The following LIMK1 variants were observed in gnomAD, a reference collection of about 807,000 sequenced individuals.
LIMK1 encodes the protein LIM domain kinase 1.
LIMK1 carries 21 observed loss-of-function variants against 77.6 expected under a neutral mutation model. That is an observed-to-expected ratio of 0.27 (90% CI 0.19 to 0.39). LIMK1 has a LOEUF of 0.39. Among genes scored for constraint, LIMK1 ranks in the 10% least tolerant of loss-of-function variants. LIMK1 has a pLI of 1.00. For synonymous variants in LIMK1, 358 were observed against 370.0 expected, an observed-to-expected ratio of 0.97 and a Z score of 0.37; for missense variants, 696 against 901.6, an observed-to-expected ratio of 0.77 and a Z score of 2.92.
chr7:74,100,079 C>G (rs1003731062), intron 5 of LIMK1, among the ~76,000 whole-genome samples: 2 of 152,112 alleles, frequency 1.3e-5, no homozygotes, highest in African/African-American at 4.8e-5. Context: ...GGGAGGATCA[C>G]TTGAGGCCAG....
chr7:74,102,484 C>CTCTTTTTTT (rs1554696729), intron 5 of LIMK1, among the ~76,000 whole-genome samples: 3 of 54,068 alleles, frequency 5.5e-5, no homozygotes, highest in East Asian at 7.9e-4. Flanking sequence ...AGGACCTTCT[C>CTCTTTTTTT]TTTTTTTTTT....
Position 74,121,584 on chromosome 7 carries a change from G to A in LIMK1, c.*283G>A. 4.6e-6 allele frequency: 2 copies of A among 439,242 alleles called. No homozygotes were observed. Among genetic ancestry groups the A allele is most frequent in the Non-Finnish European group, 8.1e-6 (2 of 247,484 alleles). 27.2% of individuals were successfully genotyped at this position (439,242 alleles called of 1,614,324 possible). A position where few individuals can be genotyped will look rare whatever the true frequency, so the allele number is the denominator to read the frequency against. The stretch of plus-strand genomic sequence containing the variant: ...TGCTTCTCCTTGCATGAGCTGGAGG[G>A]CCTGTGTGAGTTACGCCCCTTTCCA... On this transcript the variant is annotated 3_prime_UTR_variant, in exon 16 of 16. Coordinates refer to ENST00000336180, the MANE Select transcript of LIMK1 (RefSeq NM_002314.4).
intron 12 of LIMK1, among the ~76,000 whole-genome samples, chr7:74,114,746 T>C (rs1179784783): frequency 1.3e-5 from 2 of 151,326 alleles, no homozygotes; most frequent in Non-Finnish European, 2.9e-5. Context: ...AAACCCCGTC[T>C]CTACTAAAAA....
intron 10 of LIMK1, 102 bp downstream of exon 10, chr7:74,109,138 G>C (rs1229893273): frequency 7.4e-6 from 7 of 946,988 alleles, no homozygotes; most frequent in Non-Finnish European, 1.1e-5. Flanking sequence ...GGAAGCCACA[G>C]GGGTCTCAAA....
intron 14 of LIMK1, 63 bp from the exon 15 acceptor site, chr7:74,120,829 A>G: frequency 6.2e-7 from 1 of 1,605,228 alleles, no homozygotes; most frequent in South Asian, 1.1e-5. Flanking sequence ...AACCACCTGG[A>G]TGGCACCCAG....
intron 13 of LIMK1, among the ~76,000 whole-genome samples, chr7:74,117,037 A>G (rs549343358): frequency 9.2e-5 from 14 of 151,898 alleles, no homozygotes; most frequent in African/African-American, 1.9e-4. Flanking sequence ...GCCCGCCAAC[A>G]CGCCTGGCTA....
rs1554699368 is a variant in LIMK1, at chr7:74,115,883, C to G, written c.1492C>G (p.Leu498Val). The part of the protein sequence containing the change: ...EKTQPEGLRS[L>V]KKPDRKKRYT... ...GACTCAGCCTGAGGGCCTGCGGAGC[C>G]TCAAGAAGCCAGACCGCAAGAAGCG... The change falls in exon 13 of 16, where the codon CTC becomes GTC. Residue 498 changes from leucine to valine, a missense_variant. Transcript: ENST00000336180. The G allele has an allele frequency of 1.2e-6, 2 of 1,614,078 alleles. No homozygotes were observed. The highest frequency in any genetic ancestry group is 1.3e-5 in the African/African-American group (1 of 74,938).
intron 2 of LIMK1, among the ~76,000 whole-genome samples, chr7:74,088,611 G>A (rs1365227560): frequency 6.6e-6 from 1 of 151,916 alleles, no homozygotes; most frequent in African/African-American, 2.4e-5. Flanking sequence ...GACCAGCCTG[G>A]CCAACGTGGT....
intron 8 of LIMK1, 43 bp downstream of exon 8, chr7:74,107,236 C>A: frequency 1.3e-6 from 2 of 1,533,696 alleles, no homozygotes; most frequent in Non-Finnish European, 1.8e-6. Context: ...CTGGGTGGGA[C>A]CCCTCCATCC....
intron 1 of LIMK1, 148 bp downstream of exon 1, chr7:74,084,193 T>A (rs1799086025): frequency 3.0e-6 from 1 of 329,154 alleles, no homozygotes; most frequent in South Asian, 7.2e-5. Flanking sequence ...GGCCCCTCCC[T>A]GTCCCCCTCC....
Position 74,093,230 on chromosome 7 carries a change from C to T in LIMK1, c.153-3392C>T, listed in dbSNP as rs781862310. ...CTGCCCTCCCTTAGACCTCCAGAGC[C>T]CCCAGTGTAGCCACAGAGGATGCTG... On this transcript the variant is annotated intron_variant, in intron 2 of 15. Transcript: ENST00000336180. 8 of 1,535,682 alleles carry T rather than the reference C, an allele frequency of 5.2e-6. No homozygotes were observed. The South Asian group carries it at 9.5e-5, about 18-fold the overall frequency.
chr7:74,084,058 C>T lies in LIMK1; in HGVS notation c.55+13C>T. 9 of 1,464,900 alleles carry T rather than the reference C, an allele frequency of 6.1e-6. No homozygotes were observed. Among genetic ancestry groups the T allele is most frequent in the East Asian group, 2.9e-5 (1 of 34,790 alleles). The allele number at this position is 1,464,900 out of a possible 1,614,324, so 90.7% of individuals were successfully genotyped here. On this transcript the variant is annotated intron_variant, in intron 1 of 15. Coordinates refer to ENST00000336180, the MANE Select transcript of LIMK1 (RefSeq NM_002314.4). ...ATGGGAGAGGAAGGTGCGCGGGCCG[C>T]GGGGTGTGGGGCGAGGGCCTGGAGG...
chr7:74,096,905 G>A, intron 3 of LIMK1, 145 bp downstream of exon 3: 1 of 1,180,234 alleles, frequency 8.5e-7, no homozygotes, highest in Non-Finnish European at 1.2e-6. Flanking sequence ...CTGTCTGTCT[G>A]TATCCCTCAG....
chr7:74,109,375 A>C, intron 10 of LIMK1: 1 of 285,246 alleles, frequency 3.5e-6, no homozygotes, highest in Non-Finnish European at 6.9e-6. Context: ...CTAAAATAAA[A>C]TTCAGAGCTT....
Position 74,111,691 on chromosome 7 carries a change from A to C in LIMK1, c.1328A>C (p.Asp443Ala). 1 of 1,613,292 alleles carries C rather than the reference A, an allele frequency of 6.2e-7. No individual in the cohort carries two copies. Among genetic ancestry groups the C allele is most frequent in the Non-Finnish European group, 8.5e-7 (1 of 1,179,650 alleles). The change falls in exon 11 of 16, where the codon GAC (aspartate) becomes GCC (alanine). Residue 443 changes from aspartate to alanine, a missense_variant. Asp to Ala is a moderately radical substitution (Grantham distance 126, BLOSUM62 -2). This residue lies in a region of LIMK1 where 438 missense variants were observed against 602.3 expected (regional missense o/e 0.73). Coordinates refer to ENST00000336180, the MANE Select transcript of LIMK1 (RefSeq NM_002314.4). ...PWSQRVSFAK[D>A]IASGMAYLHS... ...AGCCAGAGAGTGAGCTTTGCCAAGG[A>C]CATCGCATCAGGGATGGTGAGTGAG...
intron 5 of LIMK1, among the ~76,000 whole-genome samples, chr7:74,100,741 T>C (rs550397648): frequency 8.9e-5 from 12 of 135,342 alleles, no homozygotes; most frequent in African/African-American, 3.3e-4. Flanking sequence ...CTCTCTCTCT[T>C]TTTTTTTTTT....
At chr7:74,113,834 G>A (rs896725627) in intron 12 of LIMK1, among the ~76,000 whole-genome samples, 9 of 152,066 alleles carry the variant, frequency 5.9e-5, no homozygotes, top group Admixed American at 3.3e-4. Context: ...ACATGGGCCT[G>A]TAGTCCCAGC....
At chr7:74,117,865 T>C (rs782638662) in intron 13 of LIMK1, among the ~76,000 whole-genome samples, 6 of 152,038 alleles carry the variant, frequency 3.9e-5, no homozygotes, top group Non-Finnish European at 8.8e-5. Context: ...TCCAGCACTT[T>C]GGGAGGCTGA....
intron 5 of LIMK1, among the ~76,000 whole-genome samples, chr7:74,102,757 C>T (rs989079440): frequency 6.6e-6 from 1 of 151,840 alleles, no homozygotes; most frequent in African/African-American, 2.4e-5. Context: ...TCAAATTTTG[C>T]CTATTGTCTC....
Sources: allele counts gnomAD v4.1 joint callset (sites outside exome capture counted in the v4.1 genomes callset), GRCh38; gene constraint gnomAD v4.1.1; regional missense constraint gnomAD v4.1.1; transcripts MANE v1.5; gene names NCBI Gene and HGNC (gene_info 2026-07-23, HGNC 2026-07-21).